Variants in RALGAPA2 observed in about 807,000 individuals in gnomAD.
RALGAPA2 encodes Ral GTPase activating protein catalytic subunit alpha 2, also known as ral GTPase-activating protein subunit alpha-2.
A neutral mutation model predicts 230.4 loss-of-function variants in RALGAPA2; 139 were observed. That is an observed-to-expected ratio of 0.60 (90% CI 0.53 to 0.69). RALGAPA2 has a LOEUF of 0.69. RALGAPA2 is among the 30% of genes least tolerant of loss of function. The pLI, the probability that RALGAPA2 is intolerant of heterozygous loss-of-function variation, is 0.00. For synonymous variants in RALGAPA2, 847 were observed against 837.8 expected (o/e 1.01, Z -0.19); for missense variants, 2,163 against 2,276.0 (o/e 0.95, Z 1.01).
chr20:20,608,907 T>C (rs1052797391), intron 14 of RALGAPA2, among the ~76,000 whole-genome samples: 1 of 152,234 alleles, frequency 6.6e-6, no homozygotes, highest in Admixed American at 6.5e-5. Context: ...CAAGGCCACA[T>C]AGCCAGAGAG....
At chr20:20,475,762 A>C (rs1296034086) in intron 36 of RALGAPA2, among the ~76,000 whole-genome samples, 7 of 151,824 alleles carry the variant, frequency 4.6e-5, no homozygotes, top group African/African-American at 1.4e-4. Flanking sequence ...AAGAGAAAGA[A>C]AGAAGAAGGG....
At chr20:20,668,468 G>A (rs2068030052) in intron 3 of RALGAPA2, among the ~76,000 whole-genome samples, 2 of 152,166 alleles carry the variant, frequency 1.3e-5, no homozygotes, top group African/African-American at 4.8e-5. Context: ...TGTTGGCTTT[G>A]GAAGAATTTG....
intron 13 of RALGAPA2, 49 bp from the exon 14 acceptor site, chr20:20,611,475 C>G: frequency 5.1e-6 from 8 of 1,574,736 alleles, no homozygotes; most frequent in Non-Finnish European, 6.9e-6. Flanking sequence ...GTCTCCAAAG[C>G]ACTTTAATTT....
rs189203788 is a variant in RALGAPA2, at chr20:20,594,942, G to A, written c.2204-3628C>T. 3.9e-5 allele frequency among the ~76,000 whole-genome samples: 6 copies of A among 151,972 alleles called. No homozygotes were observed. The South Asian group carries it at 6.3e-4, about 16-fold the overall frequency. On this transcript the variant is annotated intron_variant, in intron 16 of 39. Transcript: ENST00000202677. ...TCACCGTGTTAGCCAGGGTGGTCTC[G>A]ATCTCCTGACCTCATGATCCACCCG...
At chr20:20,535,672 G>T in intron 26 of RALGAPA2, 73 bp downstream of exon 26, 1 of 1,494,244 alleles carries the variant, frequency 6.7e-7, no homozygotes, top group Non-Finnish European at 8.9e-7. Flanking sequence ...GTTTTCTTTT[G>T]TAACATTAAC....
intron 37 of RALGAPA2, among the ~76,000 whole-genome samples, chr20:20,416,707 T>C (rs1385489633): frequency 1.3e-5 from 2 of 152,240 alleles, no homozygotes; most frequent in Non-Finnish European, 2.9e-5. Flanking sequence ...TTAATTTCTT[T>C]TTACTCATTC....
chr20:20,568,611 T>C (rs916237679), intron 23 of RALGAPA2, among the ~76,000 whole-genome samples: 3 of 152,252 alleles, frequency 2.0e-5, no homozygotes, highest in African/African-American at 4.8e-5. Context: ...AACATCATTA[T>C]GTTTGAAAAT....
rs191933329 is a variant in RALGAPA2, at chr20:20,524,407, C to T, written c.3899G>A (p.Arg1300Lys). Residue 1300 changes from arginine to lysine, a missense_variant and splice_region_variant, in exon 30 of 40, where the codon AGG becomes AAG. Coordinates refer to ENST00000202677, the MANE Select transcript of RALGAPA2 (RefSeq NM_020343.4). Reference sequence around the variant, plus strand: ...CCCCAGGCCCAGGTGTAGACTCACCCTGTAGATATAATCCAGCAAGGGGGC... The same window carrying T: ...CCCCAGGCCCAGGTGTAGACTCACCTTGTAGATATAATCCAGCAAGGGGGC... Reference protein sequence around the residue: ...ARAPLLDYIYRVLHCCVCGSS... With the variant: ...ARAPLLDYIYKVLHCCVCGSS... 4 of 1,613,572 alleles carry T rather than the reference C, an allele frequency of 2.5e-6. No homozygotes were observed. In the Admixed American group the frequency reaches 6.7e-5, roughly 27 times the overall value.
intron 26 of RALGAPA2, among the ~76,000 whole-genome samples, chr20:20,535,476 A>G (rs1250354350): frequency 6.6e-6 from 1 of 152,218 alleles, no homozygotes; most frequent in African/African-American, 2.4e-5. Context: ...TGAAAATATC[A>G]GAGGATACAT....
chr20:20,562,265 C>T (rs1040301072), intron 23 of RALGAPA2, among the ~76,000 whole-genome samples: 3 of 152,044 alleles, frequency 2.0e-5, no homozygotes, highest in Admixed American at 2.0e-4. Context: ...GAATGCACTC[C>T]AGTGACTCTA....
intron 14 of RALGAPA2, among the ~76,000 whole-genome samples, chr20:20,610,043 T>A (rs2065932708): frequency 6.6e-6 from 1 of 152,216 alleles, no homozygotes; most frequent in Non-Finnish European, 1.5e-5. Flanking sequence ...ATGGCAATAT[T>A]TAGCTTTAAA....
chr20:20,548,164 C>T (rs901478432), intron 23 of RALGAPA2, among the ~76,000 whole-genome samples: 2 of 151,986 alleles, frequency 1.3e-5, no homozygotes. Context: ...ATCCTAGTTT[C>T]TTTTCTTAGA....
chr20:20,474,172 A>G (rs2061599913), intron 36 of RALGAPA2, among the ~76,000 whole-genome samples: 1 of 152,206 alleles, frequency 6.6e-6, no homozygotes, highest in African/African-American at 2.4e-5. Flanking sequence ...AGGCCTAAAG[A>G]AAGTGATGAA....
At chr20:20,428,427 G>C (rs1158373187) in intron 37 of RALGAPA2, among the ~76,000 whole-genome samples, 1 of 152,024 alleles carries the variant, frequency 6.6e-6, no homozygotes, top group Admixed American at 6.6e-5. Context: ...AATTGAATTC[G>C]GTACGTCTTT....
At chr20:20,458,879 C>CCTATATATATATAG (rs2061234727) in intron 37 of RALGAPA2, among the ~76,000 whole-genome samples, 2 of 8,920 alleles carry the variant, frequency 2.2e-4, no homozygotes, top group East Asian at 3.3e-3. Context: ...TATATATACA[C>CCTATATATATATAG]ACACACAAAT....
chr20:20,456,962 T>C (rs1245309701), intron 37 of RALGAPA2, among the ~76,000 whole-genome samples: 2 of 152,194 alleles, frequency 1.3e-5, no homozygotes, highest in Non-Finnish European at 2.9e-5. Flanking sequence ...TGCAACACCA[T>C]GTCCAGCTCT....
At chr20:20,641,481 C>T (rs1272805797) in intron 5 of RALGAPA2, among the ~76,000 whole-genome samples, 1 of 152,116 alleles carries the variant, frequency 6.6e-6, no homozygotes, top group African/African-American at 2.4e-5. Context: ...ACCTTATGTC[C>T]CTATTCTATT....
At chr20:20,476,714 T>C (rs2061658578) in intron 36 of RALGAPA2, among the ~76,000 whole-genome samples, 1 of 145,280 alleles carries the variant, frequency 6.9e-6, no homozygotes, top group Admixed American at 6.8e-5. Context: ...AATAAATAAA[T>C]AAATAAAAGA....
At chr20:20,489,292 C>T (rs16981942) in intron 36 of RALGAPA2, among the ~76,000 whole-genome samples, 1,528 of 152,158 alleles carry the variant, frequency 0.01, 21 homozygotes, top group African/African-American at 0.035. Flanking sequence ...TTTCCCTCTA[C>T]GACAGTACTG....
Sources: allele counts gnomAD v4.1 joint callset (sites outside exome capture counted in the v4.1 genomes callset), GRCh38; gene constraint gnomAD v4.1.1; transcripts MANE v1.5; gene names NCBI Gene and HGNC (gene_info 2026-07-23, HGNC 2026-07-21).